DSCAM: variants seen among roughly 807,000 people sequenced by gnomAD.
DSCAM encodes cell adhesion molecule DSCAM.
A neutral mutation model predicts 217.7 loss-of-function variants in DSCAM; 47 were observed. That is an observed-to-expected ratio of 0.22 (90% CI 0.17 to 0.28). The LOEUF is 0.28. Among genes scored for constraint, DSCAM ranks in the 10% least tolerant of loss-of-function variants. DSCAM has a pLI of 1.00. For synonymous variants in DSCAM, 1,056 were observed against 1,015.3 expected, an observed-to-expected ratio of 1.04 and a Z score of -0.76; for missense variants, 2,080 against 2,618.3, an observed-to-expected ratio of 0.79 and a Z score of 4.49.
intron 3 of DSCAM, among the ~76,000 whole-genome samples, chr21:40,579,089 A>C (rs2076881627): frequency 1.3e-5 from 2 of 152,192 alleles, no homozygotes; most frequent in African/African-American, 4.8e-5. Flanking sequence ...GGCTATAGGG[A>C]TCAAAGGAAA....
intron 11 of DSCAM, among the ~76,000 whole-genome samples, chr21:40,274,984 A>C (rs992589281): frequency 6.6e-6 from 1 of 152,110 alleles, no homozygotes; most frequent in Admixed American, 6.6e-5. Context: ...ATCATATAGT[A>C]GAGACTTTTC....
chr21:40,635,743 T>G (rs2089750148), intron 3 of DSCAM, among the ~76,000 whole-genome samples: 1 of 152,220 alleles, frequency 6.6e-6, no homozygotes, highest in Non-Finnish European at 1.5e-5. Context: ...CTCTCTGTAT[T>G]TCAATTCCAG....
At chr21:40,318,356 A>C (rs1259076765) in intron 8 of DSCAM, among the ~76,000 whole-genome samples, 2 of 151,116 alleles carry the variant, frequency 1.3e-5, no homozygotes, top group Non-Finnish European at 2.9e-5. Context: ...AAAAAGAATG[A>C]CTTAGAAAAG....
intron 1 of DSCAM, among the ~76,000 whole-genome samples, chr21:40,720,836 G>C (rs888125511): frequency 1.3e-5 from 2 of 152,160 alleles, no homozygotes; most frequent in African/African-American, 4.8e-5. Context: ...GGGGACTAAG[G>C]CTGCTAGAAT....
intron 3 of DSCAM, among the ~76,000 whole-genome samples, chr21:40,617,596 T>G (rs113625173): frequency 6.6e-6 from 1 of 152,130 alleles, no homozygotes; most frequent in Non-Finnish European, 1.5e-5. Flanking sequence ...ACATTTGGAG[T>G]CAGACAATTG....
chr21:40,278,517 G>A (rs2073718897), intron 10 of DSCAM, among the ~76,000 whole-genome samples: 1 of 152,142 alleles, frequency 6.6e-6, no homozygotes, highest in Admixed American at 6.5e-5. Flanking sequence ...GGCAAGACTT[G>A]AGACCAGGAG....
chr21:40,584,071 T>C (rs1333739146), intron 3 of DSCAM, among the ~76,000 whole-genome samples: 1 of 152,176 alleles, frequency 6.6e-6, no homozygotes, highest in African/African-American at 2.4e-5. Context: ...AACAATTCTG[T>C]ATCAGTCAGA....
At chr21:40,293,597 C>T (rs1183762407) in intron 10 of DSCAM, among the ~76,000 whole-genome samples, 1 of 152,212 alleles carries the variant, frequency 6.6e-6, no homozygotes, top group East Asian at 1.9e-4. Flanking sequence ...ATTACACAGA[C>T]ATTAAAAAGT....
In DSCAM at chr21:40,836,329, A is replaced by C. The variant is rs147698199; in HGVS notation, c.43+10290T>G. On this transcript the variant is annotated intron_variant, in intron 1 of 32. Coordinates refer to ENST00000400454, the MANE Select transcript of DSCAM (RefSeq NM_001389.5). Reference sequence around the variant, plus strand: ...CAAAGCACAAGCATTTATAAACCTGAATATCAAATACGCTAACAGGAAGAA... The same window carrying C: ...CAAAGCACAAGCATTTATAAACCTGCATATCAAATACGCTAACAGGAAGAA... Among the ~76,000 whole-genome samples, 661 of 152,340 alleles carry C rather than the reference A, an allele frequency of 4.3e-3. 3 individuals carry two copies. The highest frequency in any genetic ancestry group is 0.015 in the African/African-American group (642 of 41,586).
At chr21:40,235,836 C>T (rs1052305574) in intron 11 of DSCAM, among the ~76,000 whole-genome samples, 4 of 151,880 alleles carry the variant, frequency 2.6e-5, no homozygotes, top group African/African-American at 9.7e-5. Flanking sequence ...GAGAGAGCTC[C>T]GTCACATTAG....
intron 1 of DSCAM, among the ~76,000 whole-genome samples, chr21:40,722,826 T>C (rs1336763229): frequency 6.6e-6 from 1 of 151,774 alleles, no homozygotes; most frequent in Admixed American, 6.6e-5. Flanking sequence ...GTAAAAAAAA[T>C]AGAAAAAATA....
intron 11 of DSCAM, among the ~76,000 whole-genome samples, chr21:40,236,647 G>A (rs986796915): frequency 3.9e-5 from 6 of 152,146 alleles, no homozygotes; most frequent in Non-Finnish European, 8.8e-5. Context: ...GGTCAACTGA[G>A]CCCTAGGCAT....
At chr21:40,128,067 A>G (rs542792631) in intron 19 of DSCAM, among the ~76,000 whole-genome samples, 28 of 151,512 alleles carry the variant, frequency 1.8e-4, no homozygotes, top group Non-Finnish European at 3.7e-4. Flanking sequence ...AGGTCAGGTC[A>G]GGGCTCCCAT....
chr21:40,276,399 A>G, intron 10 of DSCAM, 129 bp from the exon 11 acceptor site: 1 of 704,522 alleles, frequency 1.4e-6, no homozygotes, highest in Non-Finnish European at 2.0e-6. Flanking sequence ...CACGGGATAC[A>G]CCAGGTTTTT....
chr21:40,188,211 A>G (rs1294639238), intron 12 of DSCAM, among the ~76,000 whole-genome samples: 3 of 152,214 alleles, frequency 2.0e-5, no homozygotes, highest in Non-Finnish European at 2.9e-5. Context: ...TTTCAGTGTA[A>G]TTGAAAGTAG....
At chr21:40,224,625 T>C (rs1403184625) in intron 11 of DSCAM, among the ~76,000 whole-genome samples, 1 of 152,184 alleles carries the variant, frequency 6.6e-6, no homozygotes, top group Non-Finnish European at 1.5e-5. Context: ...CATAAACTAA[T>C]ATTGATGCAC....
intron 3 of DSCAM, among the ~76,000 whole-genome samples, chr21:40,402,360 C>T (rs1022004711): frequency 6.6e-5 from 10 of 151,652 alleles, no homozygotes; most frequent in Admixed American, 1.3e-4. Flanking sequence ...CGAGCCACCA[C>T]GCCCGGCTAA....
intron 11 of DSCAM, among the ~76,000 whole-genome samples, chr21:40,248,884 G>A (rs766378381): frequency 5.3e-5 from 8 of 152,152 alleles, no homozygotes; most frequent in Non-Finnish European, 1.0e-4. Context: ...TCAGAATCAC[G>A]GCAGGAGGCG....
chr21:40,421,445 T>G (rs2123819639), intron 3 of DSCAM, among the ~76,000 whole-genome samples: 1 of 152,328 alleles, frequency 6.6e-6, no homozygotes, highest in African/African-American at 2.4e-5. Flanking sequence ...TCAGGGCACT[T>G]CTTAGCATGC....
Sources: gnomAD v4.1 joint callset for allele counts (sites outside exome capture counted in the v4.1 genomes callset) on GRCh38, gnomAD v4.1.1 for gene constraint, MANE v1.5 for transcripts, NCBI Gene and HGNC (gene_info 2026-07-23, HGNC 2026-07-21) for gene names.